The following ADAM10 variants were observed in gnomAD, a reference collection of about 807,000 sequenced individuals.
The protein encoded by ADAM10 is ADAM metallopeptidase domain 10, also known as disintegrin and metalloproteinase domain-containing protein 10.
ADAM10 carries 17 observed loss-of-function variants against 90.1 expected under a neutral mutation model. The observed-to-expected ratio is 0.19, with a 90% confidence interval of 0.13 to 0.28. The LOEUF is 0.28. Among genes scored for constraint, ADAM10 ranks in the 10% least tolerant of loss-of-function variants. ADAM10 has a pLI of 1.00. For synonymous variants in ADAM10, 310 were observed against 298.6 expected (o/e 1.04, Z -0.40); for missense variants, 610 against 914.3 (o/e 0.67, Z 4.29).
chr15:58,611,693 A>G, intron 12 of ADAM10, 115 bp downstream of exon 12: 7 of 981,388 alleles, frequency 7.1e-6, no homozygotes, highest in Non-Finnish European at 1.1e-5. Flanking sequence ...AGGGAATATT[A>G]CTTAAACAGA....
intron 1 of ADAM10, among the ~76,000 whole-genome samples, chr15:58,734,173 CTTGT>C (rs1313918443): frequency 6.6e-6 from 1 of 152,088 alleles, no homozygotes; most frequent in Non-Finnish European, 1.5e-5. Context: ...ACATCAATTT[CTTGT>C]TTAACTAAAT....
At chr15:58,701,618 G>A (rs577284288) in intron 2 of ADAM10, among the ~76,000 whole-genome samples, 3 of 152,196 alleles carry the variant, frequency 2.0e-5, no homozygotes, top group Middle Eastern at 3.4e-3. Context: ...CACATGATCC[G>A]GCAATCCTGC....
At chr15:58,644,762 C>G (rs145741039) in intron 6 of ADAM10, among the ~76,000 whole-genome samples, 1 of 152,010 alleles carries the variant, frequency 6.6e-6, no homozygotes, top group African/African-American at 2.4e-5. Flanking sequence ...CTTTGTTGAC[C>G]CCTTTCTATA....
chr15:58,730,591 A>G (rs956466390), intron 1 of ADAM10, among the ~76,000 whole-genome samples: 3 of 152,090 alleles, frequency 2.0e-5, no homozygotes, highest in Non-Finnish European at 2.9e-5. Context: ...TTTTTCCTCT[A>G]CAAGAGGAAT....
At chr15:58,735,207 G>C (rs1797868338) in intron 1 of ADAM10, among the ~76,000 whole-genome samples, 1 of 152,138 alleles carries the variant, frequency 6.6e-6, no homozygotes, top group Admixed American at 6.5e-5. Flanking sequence ...TGATTCCCTA[G>C]TTCCAAGCTG....
chr15:58,709,295 T>C (rs1266198817), intron 2 of ADAM10, among the ~76,000 whole-genome samples: 2 of 152,184 alleles, frequency 1.3e-5, no homozygotes, highest in African/African-American at 4.8e-5. Flanking sequence ...AGGGTACTTA[T>C]CTCACAAAAG....
intron 11 of ADAM10, among the ~76,000 whole-genome samples, chr15:58,613,300 G>C (rs1292678838): frequency 6.6e-6 from 1 of 152,166 alleles, no homozygotes; most frequent in Non-Finnish European, 1.5e-5. Flanking sequence ...CTACAGGTGA[G>C]AGTATATCTC....
intron 10 of ADAM10, among the ~76,000 whole-genome samples, chr15:58,625,542 G>C (rs1895911310): frequency 6.6e-6 from 1 of 152,208 alleles, no homozygotes; most frequent in African/African-American, 2.4e-5. Flanking sequence ...TGGATCATTT[G>C]TGCAGTGCTG....
At chr15:58,635,255 AC>A (rs1185771374) in intron 8 of ADAM10, among the ~76,000 whole-genome samples, 1 of 143,484 alleles carries the variant, frequency 7.0e-6, no homozygotes, top group Non-Finnish European at 1.5e-5. Context: ...AGCCTGGGTG[AC>A]AGAGCAAGAC....
chr15:58,619,517 CTTA>C (rs1282449685), intron 11 of ADAM10, among the ~76,000 whole-genome samples: 12 of 152,080 alleles, frequency 7.9e-5, no homozygotes, highest in Admixed American at 1.3e-4. Flanking sequence ...GATAAATATC[CTTA>C]TTACCTTGAT....
chr15:58,713,005 T>A (rs1396144213), intron 2 of ADAM10, among the ~76,000 whole-genome samples: 2 of 152,184 alleles, frequency 1.3e-5, no homozygotes, highest in Non-Finnish European at 2.9e-5. Flanking sequence ...TACTACTTAG[T>A]CATTAAGAAC....
intron 3 of ADAM10, among the ~76,000 whole-genome samples, chr15:58,681,965 C>G (rs892576418): frequency 1.3e-5 from 2 of 152,116 alleles, no homozygotes; most frequent in South Asian, 4.1e-4. Context: ...GGTACTGAGT[C>G]AAAATTTCAC....
At position 58,729,962 on chromosome 15, in the gene ADAM10, A is replaced by AAAAAAC. The variant is rs777912120; in HGVS notation, c.56-12241_56-12236dup. The stretch of plus-strand genomic sequence containing the variant: ...AAGCAACAGAACGAGGCTCTGTAAA[A>AAAAAAC]AAAAACAAAAACAAAAACAAAAACA... On this transcript the variant is annotated intron_variant, in intron 1 of 15. Coordinates refer to ENST00000260408, the MANE Select transcript of ADAM10 (RefSeq NM_001110.4). Among the ~76,000 whole-genome samples, 340 of 144,478 alleles carry AAAAAAC rather than the reference A, an allele frequency of 2.4e-3. 14 individuals are homozygous for AAAAAAC. In the East Asian group the frequency reaches 0.053, roughly 23 times the overall value. The allele number at this position is 144,478 out of a possible 152,430, so 94.8% of individuals were successfully genotyped here. A position where few individuals can be genotyped will look rare whatever the true frequency, so the allele number is the denominator to read the frequency against.
chr15:58,611,174 G>T (rs1261247081), intron 12 of ADAM10, 67 bp from the exon 13 acceptor site: 2 of 1,167,818 alleles, frequency 1.7e-6, no homozygotes, highest in Non-Finnish European at 2.6e-6. Flanking sequence ...TATAGTAACA[G>T]ACAGGCAAGT....
chr15:58,733,178 T>C (rs1468505737), intron 1 of ADAM10: 8 of 152,234 alleles, frequency 5.3e-5, no homozygotes, highest in African/African-American at 1.7e-4. Flanking sequence ...TTGTTCAAAA[T>C]AGCATGATCA....
chr15:58,636,137 C>T (rs1224671356), intron 8 of ADAM10, among the ~76,000 whole-genome samples: 1 of 151,980 alleles, frequency 6.6e-6, no homozygotes, highest in Non-Finnish European at 1.5e-5. Flanking sequence ...ATTAGCCAGG[C>T]GAGGTGGTGC....
At chr15:58,741,291 TA>T (rs1410749335) in intron 1 of ADAM10, among the ~76,000 whole-genome samples, 1 of 152,132 alleles carries the variant, frequency 6.6e-6, no homozygotes, top group Non-Finnish European at 1.5e-5. Flanking sequence ...GTGTCAATCA[TA>T]TTTTTGAACT....
intron 10 of ADAM10, among the ~76,000 whole-genome samples, chr15:58,622,737 T>C (rs1312388611): frequency 1.3e-5 from 2 of 152,232 alleles, no homozygotes; most frequent in Non-Finnish European, 2.9e-5. Flanking sequence ...TCTTCAGCAG[T>C]CTTCTAAAGT....
At chr15:58,603,686 A>G (rs1172577489) in intron 14 of ADAM10, among the ~76,000 whole-genome samples, 1 of 152,138 alleles carries the variant, frequency 6.6e-6, no homozygotes, top group Non-Finnish European at 1.5e-5. Flanking sequence ...GCTTCCCACC[A>G]AAGATTTCCA....
Sources: allele counts gnomAD v4.1 joint callset (sites outside exome capture counted in the v4.1 genomes callset), GRCh38; gene constraint gnomAD v4.1.1; transcripts MANE v1.5; gene names NCBI Gene and HGNC (gene_info 2026-07-23, HGNC 2026-07-21).